The following GPR141 variants were observed in gnomAD, a reference collection of about 807,000 sequenced individuals.
GPR141 encodes the protein probable G protein-coupled receptor 141.
A neutral mutation model predicts 6.8 loss-of-function variants in GPR141; 6 were observed. The observed-to-expected ratio is 0.88, with a 90% confidence interval of 0.48 to 1.74. GPR141 has a LOEUF of 1.74. Among genes scored for constraint, GPR141 ranks in the 40% most tolerant of loss-of-function variants. GPR141 has a pLI of 0.01. For synonymous variants in GPR141, 140 were observed against 142.3 expected (o/e 0.98, Z 0.11); for missense variants, 372 against 372.9 (o/e 1.00, Z 0.02).
At chr7:37,716,484 A>C (rs1437079913) in intron 2 of GPR141, among the ~76,000 whole-genome samples, 1 of 152,150 alleles carries the variant, frequency 6.6e-6, no homozygotes, top group Non-Finnish European at 1.5e-5. Context: ...AGGGAGAGTA[A>C]GACTTGTTAG....
intron 2 of GPR141, among the ~76,000 whole-genome samples, chr7:37,697,814 G>A (rs1299015741): frequency 2.6e-5 from 4 of 152,274 alleles, no homozygotes; most frequent in Admixed American, 6.5e-5. Flanking sequence ...TGGGCACGAG[G>A]GATTTGATTA....
At chr7:37,697,182 GT>G (rs141967098) in intron 2 of GPR141, among the ~76,000 whole-genome samples, 64,031 of 151,256 alleles carry the variant, frequency 0.42, 14,113 homozygotes, top group African/African-American at 0.53. Flanking sequence ...TTATTTTACT[GT>G]TTTTTTTTCC....
intron 2 of GPR141, among the ~76,000 whole-genome samples, chr7:37,700,386 G>A (rs1029072937): frequency 2.6e-5 from 4 of 152,080 alleles, no homozygotes; most frequent in African/African-American, 9.7e-5. Context: ...TCTTCTTTCG[G>A]CAAAGCATAG....
chr7:37,689,293 A>G (rs1355227973), intron 2 of GPR141, among the ~76,000 whole-genome samples: 1 of 151,990 alleles, frequency 6.6e-6, no homozygotes, highest in African/African-American at 2.4e-5. Context: ...TCCATTTACT[A>G]GTATTTTGTT....
chr7:37,705,632 G>C (rs561184052), intron 2 of GPR141, among the ~76,000 whole-genome samples: 1 of 152,262 alleles, frequency 6.6e-6, no homozygotes, highest in Non-Finnish European at 1.5e-5. Context: ...GTGACAATGA[G>C]ATGGGGGTCT....
intron 2 of GPR141, among the ~76,000 whole-genome samples, chr7:37,738,075 C>A (rs549342620): frequency 2.0e-5 from 3 of 152,080 alleles, no homozygotes; most frequent in Non-Finnish European, 4.4e-5. Context: ...AATGAGTTTT[C>A]GGGAGTGTAT....
At chr7:37,716,049 C>G (rs757524508) in intron 2 of GPR141, among the ~76,000 whole-genome samples, 5 of 152,182 alleles carry the variant, frequency 3.3e-5, no homozygotes, top group Non-Finnish European at 5.9e-5. Context: ...ACAGAGTCAA[C>G]TTTTCAGAAT....
At chr7:37,737,564 A>G (rs1019322228) in intron 2 of GPR141, among the ~76,000 whole-genome samples, 8 of 151,900 alleles carry the variant, frequency 5.3e-5, no homozygotes, top group Admixed American at 4.6e-4. Flanking sequence ...GTCTTAAAAC[A>G]TTGTGAGATT....
At chr7:37,727,803 A>G (rs1390973449) in intron 2 of GPR141, among the ~76,000 whole-genome samples, 1 of 152,208 alleles carries the variant, frequency 6.6e-6, no homozygotes, top group Non-Finnish European at 1.5e-5. Flanking sequence ...TGTTGCCAAA[A>G]CAAGCTTTCA....
rs1812587778 is a variant in GPR141 at position 37,741,998 on chromosome 7, C to T, written c.*687C>T. Among the ~76,000 whole-genome samples the T allele has an allele frequency of 6.6e-6, 1 of 152,158 alleles. No individual in the cohort carries two copies. Among genetic ancestry groups the T allele is most frequent in the Non-Finnish European group, 1.5e-5 (1 of 68,034 alleles). ...TCAATTATCACCAATTGCACTGTTG[C>T]TCCAAAAATCATTTAAAAGCTTACT... On this transcript the variant is annotated 3_prime_UTR_variant, in exon 3 of 3. Transcript: ENST00000334425.
At chr7:37,704,284 G>A (rs2597275) in intron 2 of GPR141, among the ~76,000 whole-genome samples, 88,425 of 151,706 alleles carry the variant, frequency 0.58, 26,295 homozygotes, top group African/African-American at 0.68. Context: ...TTGTGTGTGT[G>A]TTAGTCTGTT....
chr7:37,721,720 A>G (rs1038397639), intron 2 of GPR141, among the ~76,000 whole-genome samples: 5 of 152,168 alleles, frequency 3.3e-5, no homozygotes, highest in African/African-American at 2.4e-5. Flanking sequence ...AAGGTTGACA[A>G]TTTCTCCACG....
intron 2 of GPR141, among the ~76,000 whole-genome samples, chr7:37,731,425 A>G (rs1811926743): frequency 6.6e-6 from 1 of 152,178 alleles, no homozygotes; most frequent in African/African-American, 2.4e-5. Flanking sequence ...AGGTCAACTA[A>G]TTAAAAATTC....
At chr7:37,724,322 A>G (rs1042483238) in intron 2 of GPR141, among the ~76,000 whole-genome samples, 9 of 152,178 alleles carry the variant, frequency 5.9e-5, no homozygotes, top group African/African-American at 7.2e-5. Flanking sequence ...TAAAAAAACC[A>G]TAGAAAACCC....
chr7:37,691,947 C>A (rs1047082346), intron 2 of GPR141, among the ~76,000 whole-genome samples: 1 of 152,068 alleles, frequency 6.6e-6, no homozygotes, highest in Non-Finnish European at 1.5e-5. Context: ...TAAGAATTCT[C>A]GCTGTCTTTG....
chr7:37,710,243 T>C (rs1305942364), intron 2 of GPR141, among the ~76,000 whole-genome samples: 4 of 152,198 alleles, frequency 2.6e-5, no homozygotes, highest in Admixed American at 2.6e-4. Flanking sequence ...AGATTACTAA[T>C]TTAAAAATGT....
At position 37,686,162 on chromosome 7, in the gene GPR141, CT is replaced by C. The variant is rs35733762; in HGVS notation, c.-15+597del. 1.8e-3 allele frequency among the ~76,000 whole-genome samples: 219 copies of C among 123,844 alleles called. 2 individuals carry two copies. The highest frequency in any genetic ancestry group is 6.9e-3 in the Admixed American group (81 of 11,694). The allele number at this position is 123,844 out of a possible 152,430, so 81.2% of individuals were successfully genotyped here. A position where few individuals can be genotyped will look rare whatever the true frequency, so the allele number is the denominator to read the frequency against. ...TGCAGGTGTGAGCCACCCTGCCTGC[CT>C]TTTTTTTTTTTTTTTTTCTTTAGAG... On this transcript the variant is annotated intron_variant, in intron 2 of 2. Coordinates refer to ENST00000334425, the MANE Select transcript of GPR141 (RefSeq NM_001381946.1).
intron 2 of GPR141, among the ~76,000 whole-genome samples, chr7:37,736,495 G>GAAA (rs56403860): frequency 7.7e-6 from 1 of 129,420 alleles, no homozygotes; most frequent in Non-Finnish European, 1.7e-5. Context: ...ATAAACAGAG[G>GAAA]AAAAAAAAAA....
Position 37,743,212 on chromosome 7 carries a change from T to G in GPR141, c.*1901T>G, listed in dbSNP as rs1812654854. Among the ~76,000 whole-genome samples, 1 of 90,326 alleles carries G rather than the reference T, an allele frequency of 1.1e-5. No individual in the cohort carries two copies. The highest frequency in any genetic ancestry group is 4.0e-4 in the South Asian group (1 of 2,516). The allele number at this position is 90,326 out of a possible 152,430, so 59.3% of individuals were successfully genotyped here. A position where few individuals can be genotyped will look rare whatever the true frequency, so the allele number is the denominator to read the frequency against. ...AAGGTATATCTTCGGGATTTAAAAG[T>G]TTTTCATAATTTATTATCACTGTGG... On this transcript the variant is annotated 3_prime_UTR_variant, in exon 3 of 3. Transcript: ENST00000334425.
Sources: allele counts gnomAD v4.1 joint callset (sites outside exome capture counted in the v4.1 genomes callset), GRCh38; gene constraint gnomAD v4.1.1; transcripts MANE v1.5; gene names NCBI Gene and HGNC (gene_info 2026-07-23, HGNC 2026-07-21).